NBEA: variants seen among roughly 807,000 people sequenced by gnomAD.
The protein encoded by NBEA is neurobeachin, also known as lysosomal-trafficking regulator 2.
NBEA carries 44 observed loss-of-function variants against 343.4 expected under a neutral mutation model. The ratio of observed to expected loss-of-function variants is 0.13; its 90% CI spans 0.10 to 0.16. The LOEUF (loss-of-function observed/expected upper bound fraction) is 0.16, where lower values mean the gene tolerates loss of function less well. Ranked by LOEUF, NBEA falls within the 10% of genes least tolerant of loss-of-function variation. The pLI is 1.00. For synonymous variants in NBEA, 1,175 were observed against 1,238.7 expected, an observed-to-expected ratio of 0.95 and a Z score of 1.08; for missense variants, 2,555 against 3,631.3, an observed-to-expected ratio of 0.70 and a Z score of 7.62.
intron 34 of NBEA, among the ~76,000 whole-genome samples, chr13:35,259,941 T>C (rs1255519328): frequency 6.6e-6 from 1 of 152,218 alleles, no homozygotes; most frequent in Non-Finnish European, 1.5e-5. Flanking sequence ...GCCAGTTGAT[T>C]AGTTGCATCA....
Position 35,048,684 on chromosome 13 carries a change from G to A in NBEA, c.845G>A (p.Cys282Tyr). The A allele has an allele frequency of 7.7e-7, 1 of 1,299,364 alleles. No homozygotes were observed. Among genetic ancestry groups the A allele is most frequent in the Non-Finnish European group, 1.1e-6 (1 of 925,092 alleles). 80.5% of individuals were successfully genotyped at this position (1,299,364 alleles called of 1,614,324 possible). Residue 282 changes from cysteine to tyrosine, a missense_variant and splice_region_variant, in exon 5 of 59, where the codon TGT becomes TAT. Cys to Tyr is a radical substitution (Grantham distance 194, BLOSUM62 -2). Transcript: ENST00000379939. Reference sequence around the variant, plus strand: ...GATAAGGATAAACCTTATCTTTATTGGTAAGTAATATGTTTAATTTTAGTA... The same window carrying A: ...GATAAGGATAAACCTTATCTTTATTAGTAAGTAATATGTTTAATTTTAGTA... ...NVDKDKPYLYCFRTSKGVGYS... is the reference protein window; with the variant it reads ...NVDKDKPYLYYFRTSKGVGYS...
intron 17 of NBEA, among the ~76,000 whole-genome samples, chr13:35,141,824 T>C (rs569531646): frequency 3.3e-5 from 5 of 152,346 alleles, no homozygotes; most frequent in Admixed American, 6.5e-5. Context: ...GCTAGAGTAT[T>C]TATTTTTAAC....
At chr13:35,070,876 T>C in intron 10 of NBEA, 24 bp downstream of exon 10, 1 of 1,608,240 alleles carries the variant, frequency 6.2e-7, no homozygotes, top group Non-Finnish European at 8.5e-7. Flanking sequence ...GCATGTACAA[T>C]TGCTGGTATT....
At chr13:35,486,341 A>T (rs1211239613) in intron 41 of NBEA, among the ~76,000 whole-genome samples, 1 of 152,110 alleles carries the variant, frequency 6.6e-6, no homozygotes, top group Admixed American at 6.6e-5. Flanking sequence ...TGTAATTCAG[A>T]GGGATAAATT....
rs760080683 is a variant in NBEA at position 35,208,752 on chromosome 13, A to C, written c.5419A>C (p.Thr1807Pro). 1.2e-6 allele frequency: 2 copies of C among 1,611,856 alleles called. No individual in the cohort carries two copies. The highest frequency in any genetic ancestry group is 1.1e-5 in the South Asian group (1 of 90,816). Residue 1807 changes from threonine (T) to proline (P), a missense_variant, in exon 32 of 59, where the codon ACT (threonine) becomes CCT (proline). This residue lies in a region of NBEA where 270 missense variants were observed against 293.3 expected (regional missense o/e 0.92). Coordinates refer to ENST00000379939, the MANE Select transcript of NBEA (RefSeq NM_001385012.1). ...ACCTCCAGGTAGTTTAGCTGTAACC[A>C]CTGTGGGAGCCACTACTGCTGGAAG... ...KPPPGSLAVT[T>P]VGATTAGSGL...
Position 35,099,580 on chromosome 13 carries a change from T to C in NBEA, c.1680+1175T>C, listed in dbSNP as rs191556266. ...AGTATACATGAATTTACCTGTTAAG[T>C]TTTGTGTTATTTTTTAATTATGCGG... On this transcript the variant is annotated intron_variant, in intron 11 of 58. Coordinates refer to ENST00000379939, the MANE Select transcript of NBEA (RefSeq NM_001385012.1). Among the ~76,000 whole-genome samples, 159 of 152,242 alleles carry C rather than the reference T, an allele frequency of 1.0e-3. 1 individual carries two copies. The highest frequency in any genetic ancestry group is 2.6e-3 in the Admixed American group (40 of 15,300).
chr13:35,022,051 T>G (rs1222909153), intron 1 of NBEA, among the ~76,000 whole-genome samples: 1 of 152,158 alleles, frequency 6.6e-6, no homozygotes, highest in Non-Finnish European at 1.5e-5. Flanking sequence ...AGTCTTTTTT[T>G]GCTTTCATTT....
At chr13:35,517,768 A>T (rs898608469) in intron 41 of NBEA, among the ~76,000 whole-genome samples, 1 of 152,144 alleles carries the variant, frequency 6.6e-6, no homozygotes, top group Non-Finnish European at 1.5e-5. Context: ...TTTGTCTTTT[A>T]TTATTTCTAT....
chr13:35,401,799 T>C (rs1030711616), intron 38 of NBEA, among the ~76,000 whole-genome samples: 1 of 152,036 alleles, frequency 6.6e-6, no homozygotes, highest in African/African-American at 2.4e-5. Flanking sequence ...AAAACTTCCA[T>C]TAAAGGTTAA....
chr13:35,030,260 TTTTAAC>T (rs1371233163), intron 1 of NBEA, among the ~76,000 whole-genome samples: 8 of 151,674 alleles, frequency 5.3e-5, no homozygotes, highest in Non-Finnish European at 1.5e-5. Context: ...TCTTTCTTGC[TTTTAAC>T]TTTAACAAAT....
intron 38 of NBEA, among the ~76,000 whole-genome samples, chr13:35,407,230 G>T (rs1208240141): frequency 6.6e-6 from 1 of 151,824 alleles, no homozygotes; most frequent in Non-Finnish European, 1.5e-5. Context: ...CTCCCAAAGT[G>T]CTGGGATTAC....
intron 8 of NBEA, among the ~76,000 whole-genome samples, chr13:35,066,502 C>T (rs371681219): frequency 5.3e-5 from 8 of 152,002 alleles, no homozygotes; most frequent in African/African-American, 1.4e-4. Context: ...TTTACAATTG[C>T]TATATCCTCC....
chr13:35,041,078 G>C lies in NBEA; in HGVS notation c.440G>C (p.Ser147Thr). Residue 147 changes from serine (S) to threonine (T), a missense_variant, in exon 2 of 59, where the codon AGT (serine) becomes ACT (threonine). Ser to Thr is a moderately conservative substitution (Grantham distance 58, BLOSUM62 1). This residue lies in a region of NBEA where 185 missense variants were observed against 290.6 expected (regional missense o/e 0.64). Coordinates refer to ENST00000379939, the MANE Select transcript of NBEA (RefSeq NM_001385012.1). ...WSMFTAILRK[S>T]VRNLQTSTEV... ...ATGTTTACAGCCATTCTACGAAAAA[G>C]TGTTCGGAATTTACAGACTAGCACA... The C allele has an allele frequency of 6.2e-7, 1 of 1,613,200 alleles. No homozygotes were observed. Among genetic ancestry groups the C allele is most frequent in the Non-Finnish European group, 8.5e-7 (1 of 1,179,466 alleles).
At chr13:35,204,111 A>G (rs868824042) in intron 31 of NBEA, among the ~76,000 whole-genome samples, 4 of 152,142 alleles carry the variant, frequency 2.6e-5, no homozygotes, top group Non-Finnish European at 4.4e-5. Context: ...GCTGCTCCTC[A>G]TTGCTCGCAT....
At position 35,477,799 on chromosome 13, in the gene NBEA, G is replaced by T. The variant is rs1381477; in HGVS notation, c.6585+5263G>T. 8.3e-3 allele frequency among the ~76,000 whole-genome samples: 1,266 copies of T among 152,216 alleles called. 18 individuals are homozygous for T. Among genetic ancestry groups the T allele is most frequent in the African/African-American group, 0.028 (1,169 of 41,516 alleles). On this transcript the variant is annotated intron_variant, in intron 41 of 58. Transcript: ENST00000379939. Reference sequence around the variant, plus strand: ...AAATTAACTTGCAGTTATCTGGGGGGTTTTTTGGATTTAAACATCATTTTG... The same window carrying T: ...AAATTAACTTGCAGTTATCTGGGGGTTTTTTTGGATTTAAACATCATTTTG...
At chr13:35,587,274 T>C (rs2081332196) in intron 46 of NBEA, among the ~76,000 whole-genome samples, 1 of 152,178 alleles carries the variant, frequency 6.6e-6, no homozygotes, top group African/African-American at 2.4e-5. Flanking sequence ...AAGTAGCCCA[T>C]GAGATATATT....
At chr13:35,422,924 C>T (rs1465934743) in intron 38 of NBEA, among the ~76,000 whole-genome samples, 2 of 152,038 alleles carry the variant, frequency 1.3e-5, no homozygotes, top group South Asian at 2.1e-4. Context: ...TTTCATGTGT[C>T]TTTTGGCTGC....
In NBEA at chr13:35,449,230, G is replaced by A. The variant is rs185322185; in HGVS notation, c.6305-2862G>A. On this transcript the variant is annotated intron_variant, in intron 39 of 58. Transcript: ENST00000379939. ...GTGTTCTTGACTGGGAGGAGTTAAT[G>A]AATAATTTTAATAGGAAAATGTCCT... 1.6e-3 allele frequency among the ~76,000 whole-genome samples: 237 copies of A among 152,294 alleles called. 2 individuals carry two copies. Among genetic ancestry groups the A allele is most frequent in the African/African-American group, 4.6e-3 (190 of 41,568 alleles).
chr13:35,394,370 C>A (rs1032566595), intron 38 of NBEA, among the ~76,000 whole-genome samples: 4 of 151,952 alleles, frequency 2.6e-5, no homozygotes, highest in African/African-American at 7.2e-5. Flanking sequence ...TTTTTTCCTC[C>A]CTTTTTGGTG....
Sources: allele counts gnomAD v4.1 joint callset (sites outside exome capture counted in the v4.1 genomes callset), GRCh38; gene constraint gnomAD v4.1.1; regional missense constraint gnomAD v4.1.1; transcripts MANE v1.5; gene names NCBI Gene and HGNC (gene_info 2026-07-23, HGNC 2026-07-21).